Variants in STARD9 observed in about 807,000 individuals in gnomAD.
The protein encoded by STARD9 is stAR-related lipid transfer protein 9.
STARD9 carries 346 observed loss-of-function variants against 399.8 expected under a neutral mutation model. That is an observed-to-expected ratio of 0.87 (90% CI 0.79 to 0.95). The LOEUF is 0.95. STARD9 is among the 40% of genes least tolerant of loss of function. The pLI is 0.00. For synonymous variants in STARD9, 2,203 were observed against 2,143.5 expected, an observed-to-expected ratio of 1.03 and a Z score of -0.77; for missense variants, 5,832 against 5,667.5, an observed-to-expected ratio of 1.03 and a Z score of -0.93.
At position 42,575,750 on chromosome 15, in the gene STARD9, C is replaced by A; in HGVS notation, c.35C>A (p.Pro12Gln). Residue 12 changes from proline (P) to glutamine (Q), a missense_variant, in exon 1 of 33, where the codon CCG becomes CAG. Physicochemically the swap from Pro to Gln is moderately conservative, Grantham distance 76. Coordinates refer to ENST00000290607, the MANE Select transcript of STARD9 (RefSeq NM_020759.3). ...GTGCAGGTCGCCGTGCGGGTCCGGC[C>A]GCTCAGCAAGAGGTGAGTCTCCGCG... ...ANVQVAVRVR[P>Q]LSKRETKEGG... 1 of 1,536,836 alleles carries A rather than the reference C, an allele frequency of 6.5e-7. No homozygotes were observed. Among genetic ancestry groups the A allele is most frequent in the South Asian group, 1.2e-5 (1 of 84,062 alleles).
At chr15:42,628,598 A>G (rs1377573155) in intron 3 of STARD9, among the ~76,000 whole-genome samples, 1 of 152,158 alleles carries the variant, frequency 6.6e-6, no homozygotes, top group Non-Finnish European at 1.5e-5. Flanking sequence ...TTTTGATTTG[A>G]TTTTTATATA....
At chr15:42,701,914 A>G (rs1440527161) in intron 26 of STARD9, among the ~76,000 whole-genome samples, 1 of 150,148 alleles carries the variant, frequency 6.7e-6, no homozygotes, top group Non-Finnish European at 1.5e-5. Flanking sequence ...GAATTGCTTG[A>G]ACCCGGGAGG....
intron 3 of STARD9, among the ~76,000 whole-genome samples, chr15:42,616,203 A>G (rs920930895): frequency 6.6e-6 from 1 of 152,250 alleles, no homozygotes; most frequent in Non-Finnish European, 1.5e-5. Flanking sequence ...ATAATAGGCA[A>G]AAAGACTCCA....
At chr15:42,681,134 A>C (rs1325429589) in intron 20 of STARD9, among the ~76,000 whole-genome samples, 6 of 152,212 alleles carry the variant, frequency 3.9e-5, no homozygotes. Flanking sequence ...TGTCTTTTTA[A>C]AAAGAACAAC....
In STARD9 at chr15:42,699,392, C is replaced by CTT. The variant is rs34614271; in HGVS notation, c.13284+3531_13284+3532dup. Among the ~76,000 whole-genome samples, 84 of 113,278 alleles carry CTT rather than the reference C, an allele frequency of 7.4e-4. 1 individual carries two copies. The highest frequency in any genetic ancestry group is 2.0e-3 in the East Asian group (8 of 3,924). The allele number at this position is 113,278 out of a possible 152,430, so 74.3% of individuals were successfully genotyped here. ...TCTATGAGATCAACTTTTTTCTTTT[C>CTT]TTTTTTTTTTTTTTTTTTTTGAGAT... is the stretch of plus-strand genomic sequence containing the variant. On this transcript the variant is annotated intron_variant, in intron 26 of 32. Transcript: ENST00000290607.
chr15:42,659,776 C>T (rs2059957578), intron 9 of STARD9, among the ~76,000 whole-genome samples: 1 of 152,118 alleles, frequency 6.6e-6, no homozygotes, highest in South Asian at 2.1e-4. Flanking sequence ...CACCTGCCTC[C>T]ACCTCCCAAA....
At position 42,681,580 on chromosome 15, in the gene STARD9, A is replaced by G; in HGVS notation, c.2033A>G (p.Asp678Gly). The G allele has an allele frequency of 6.5e-7, 1 of 1,537,104 alleles. No individual in the cohort carries two copies. Among genetic ancestry groups the G allele is most frequent in the Non-Finnish European group, 8.7e-7 (1 of 1,146,836 alleles). The change falls in exon 21 of 33, where the codon GAC becomes GGC. Residue 678 changes from aspartate to glycine, a missense_variant. Asp to Gly is a moderately conservative substitution (Grantham distance 94, BLOSUM62 -1). This residue lies in a region of STARD9 where 5,828 missense variants were observed against 5,651.1 expected (regional missense o/e 1.03). Coordinates refer to ENST00000290607, the MANE Select transcript of STARD9 (RefSeq NM_020759.3). ...EIRAAKELEF[D>G]QAWISQQIKE... The stretch of plus-strand genomic sequence containing the variant: ...CGAGCTGCGAAGGAACTGGAATTTG[A>G]CCAAGCTTGGATTAGCCAGCAGATT...
chr15:42,713,115 A>G (rs1319387528), intron 26 of STARD9, among the ~76,000 whole-genome samples: 1 of 152,148 alleles, frequency 6.6e-6, no homozygotes, highest in African/African-American at 2.4e-5. Context: ...TTTAATTTCA[A>G]CAATGTTTCG....
chr15:42,581,398 G>GTAGC, intron 1 of STARD9: 1 of 1,506,834 alleles, frequency 6.6e-7, no homozygotes, highest in Non-Finnish European at 9.2e-7. Context: ...TAGTCAAGAG[G>GTAGC]TAGCTGCGCG....
chr15:42,683,237 C>T (rs1303605354), intron 22 of STARD9, among the ~76,000 whole-genome samples: 1 of 152,196 alleles, frequency 6.6e-6, no homozygotes, highest in Non-Finnish European at 1.5e-5. Flanking sequence ...TGTTTGCTCA[C>T]CTCTCTGGTC....
chr15:42,643,591 A>G (rs566949602), intron 7 of STARD9, among the ~76,000 whole-genome samples: 2 of 151,212 alleles, frequency 1.3e-5, no homozygotes, highest in Admixed American at 1.3e-4. Context: ...CCCGGGTTCA[A>G]GCGATTCTCC....
In STARD9 at chr15:42,669,115, TC is replaced by T. The variant is rs1264085358; in HGVS notation, c.1318-39del. The T allele has an allele frequency of 2.0e-6, 3 of 1,476,042 alleles. No homozygotes were observed. The East Asian group carries it at 7.5e-5, about 37-fold the overall frequency. 91.4% of individuals were successfully genotyped at this position (1,476,042 alleles called of 1,614,324 possible). Reference sequence around the variant, plus strand: ...TAATGACTTCTGACCTTTAGTCTGTTCCCCATGCTGAGTGTCTCAGATCACC... The same window carrying T: ...TAATGACTTCTGACCTTTAGTCTGTTCCCATGCTGAGTGTCTCAGATCACC... On this transcript the variant is annotated intron_variant, in intron 15 of 32. Coordinates refer to ENST00000290607, the MANE Select transcript of STARD9 (RefSeq NM_020759.3).
At chr15:42,706,730 G>A (rs2061095254) in intron 26 of STARD9, among the ~76,000 whole-genome samples, 2 of 152,254 alleles carry the variant, frequency 1.3e-5, no homozygotes, top group South Asian at 2.1e-4. Flanking sequence ...GATTACAGGC[G>A]TGAGCCACCA....
intron 3 of STARD9, among the ~76,000 whole-genome samples, chr15:42,605,295 T>C (rs1365250502): frequency 6.6e-6 from 1 of 152,148 alleles, no homozygotes; most frequent in Admixed American, 6.5e-5. Context: ...AAGGCAGAGT[T>C]GACAGTTTCT....
At chr15:42,604,170 T>C (rs1263536208) in intron 3 of STARD9, among the ~76,000 whole-genome samples, 3 of 152,224 alleles carry the variant, frequency 2.0e-5, no homozygotes, top group African/African-American at 7.2e-5. Flanking sequence ...CAGATTTCTT[T>C]CACTGCCATA....
At chr15:42,663,981 C>G in intron 13 of STARD9, 64 bp downstream of exon 13, 2 of 1,118,140 alleles carry the variant, frequency 1.8e-6, no homozygotes, top group South Asian at 1.3e-5. Flanking sequence ...ATTTTTTTTT[C>G]TCTCGTGATT....
At chr15:42,610,642 G>A (rs1015736461) in intron 3 of STARD9, among the ~76,000 whole-genome samples, 12 of 152,090 alleles carry the variant, frequency 7.9e-5, no homozygotes, top group African/African-American at 2.9e-4. Context: ...TCCGCCGCCC[G>A]GGTTCAAGCT....
At chr15:42,705,969 T>A (rs2061068579) in intron 26 of STARD9, among the ~76,000 whole-genome samples, 6 of 152,046 alleles carry the variant, frequency 3.9e-5, no homozygotes. Context: ...GCCAGGCTTT[T>A]CTCAAACTCC....
chr15:42,717,873 C>A, intron 29 of STARD9, 78 bp downstream of exon 29: 1 of 1,504,194 alleles, frequency 6.6e-7, no homozygotes, highest in Non-Finnish European at 9.0e-7. Context: ...TCCTCCTTTC[C>A]CTTACCTGGA....
Sources: gnomAD v4.1 joint callset for allele counts (sites outside exome capture counted in the v4.1 genomes callset) on GRCh38, gnomAD v4.1.1 for gene constraint, gnomAD v4.1.1 regional missense constraint, MANE v1.5 for transcripts, NCBI Gene and HGNC (gene_info 2026-07-23, HGNC 2026-07-21) for gene names.